SGCZ: variants seen among roughly 807,000 people sequenced by gnomAD.
SGCZ encodes sarcoglycan zeta, also known as zeta-sarcoglycan.
A neutral mutation model predicts 41.3 loss-of-function variants in SGCZ; 40 were observed. The observed-to-expected ratio is 0.97, with a 90% CI of 0.75 to 1.26. The LOEUF is 1.26. Among genes scored for constraint, SGCZ ranks in the 50% most tolerant of loss-of-function variants. The pLI is 0.00. For missense variants in SGCZ, 552 were observed against 369.8 expected, an observed-to-expected ratio of 1.49 and a Z score of -4.04; for synonymous variants, 206 against 137.5, an observed-to-expected ratio of 1.50 and a Z score of -3.49.
At chr8:14,982,145 G>A (rs934503053) in intron 1 of SGCZ, among the ~76,000 whole-genome samples, 1 of 119,044 alleles carries the variant, frequency 8.4e-6, no homozygotes, top group African/African-American at 3.6e-5. Flanking sequence ...ACAACAGAGC[G>A]AGACTCTGTC....
intron 1 of SGCZ, among the ~76,000 whole-genome samples, chr8:14,889,323 C>T (rs1476765947): frequency 6.6e-6 from 1 of 151,958 alleles, no homozygotes; most frequent in Non-Finnish European, 1.5e-5. Context: ...GATAAAAATC[C>T]TGTAAAAAGT....
intron 1 of SGCZ, among the ~76,000 whole-genome samples, chr8:14,929,538 G>C (rs1799866344): frequency 6.6e-6 from 1 of 150,850 alleles, no homozygotes; most frequent in Admixed American, 6.6e-5. Context: ...CCATTGGCCT[G>C]TGGGCCTCAG....
At chr8:15,181,855 A>G (rs1429360132) in intron 1 of SGCZ, among the ~76,000 whole-genome samples, 1 of 152,214 alleles carries the variant, frequency 6.6e-6, no homozygotes, top group Non-Finnish European at 1.5e-5. Flanking sequence ...AAAAAATAAC[A>G]TGAGATTATT....
At chr8:14,260,033 C>T (rs1226375097) in intron 3 of SGCZ, among the ~76,000 whole-genome samples, 1 of 152,038 alleles carries the variant, frequency 6.6e-6, no homozygotes, top group Admixed American at 6.6e-5. Flanking sequence ...CTTCACATCC[C>T]TTGTAAGTTG....
intron 3 of SGCZ, among the ~76,000 whole-genome samples, chr8:14,302,454 T>G (rs1801227636): frequency 6.6e-6 from 1 of 152,178 alleles, no homozygotes; most frequent in South Asian, 2.1e-4. Flanking sequence ...TGTTTCATAC[T>G]TTAATTTTCC....
intron 3 of SGCZ, among the ~76,000 whole-genome samples, chr8:14,264,830 G>A (rs1479560057): frequency 1.3e-5 from 2 of 152,136 alleles, no homozygotes; most frequent in Non-Finnish European, 2.9e-5. Context: ...GGGCGTGGTG[G>A]CGGGCGCCTG....
intron 1 of SGCZ, among the ~76,000 whole-genome samples, chr8:14,613,614 A>G (rs1164424081): frequency 6.6e-6 from 1 of 152,234 alleles, no homozygotes; most frequent in Non-Finnish European, 1.5e-5. Context: ...ATTTCAGAGC[A>G]TGCAGAATTT....
intron 3 of SGCZ, among the ~76,000 whole-genome samples, chr8:14,282,187 T>C (rs552234313): frequency 9.8e-5 from 15 of 152,292 alleles, no homozygotes; most frequent in South Asian, 2.1e-4. Context: ...AATATTGTTT[T>C]CTTCTTTGCC....
At chr8:14,551,783 A>G (rs955667465) in intron 2 of SGCZ, among the ~76,000 whole-genome samples, 1 of 134,000 alleles carries the variant, frequency 7.5e-6, no homozygotes, top group Non-Finnish European at 1.5e-5. Context: ...CTCAATAAGT[A>G]GAATAATTTT....
intron 5 of SGCZ, among the ~76,000 whole-genome samples, chr8:14,121,330 A>G (rs181460254): frequency 1.8e-3 from 276 of 152,210 alleles, no homozygotes; most frequent in Non-Finnish European, 3.0e-3. Context: ...ATTCACTACT[A>G]TTCTCCACTT....
At chr8:14,457,842 A>T (rs1474060353) in intron 2 of SGCZ, among the ~76,000 whole-genome samples, 1 of 152,132 alleles carries the variant, frequency 6.6e-6, no homozygotes, top group Non-Finnish European at 1.5e-5. Context: ...TCCAATAAAT[A>T]ACAGCGCAGC....
At chr8:14,744,857 C>G (rs142995401) in intron 1 of SGCZ, among the ~76,000 whole-genome samples, 1 of 152,062 alleles carries the variant, frequency 6.6e-6, no homozygotes, top group Non-Finnish European at 1.5e-5. Context: ...CAGGGACTAT[C>G]GTCTTCTCTT....
chr8:14,843,863 T>G (rs1432817937), intron 1 of SGCZ, among the ~76,000 whole-genome samples: 1 of 151,928 alleles, frequency 6.6e-6, no homozygotes, highest in Non-Finnish European at 1.5e-5. Flanking sequence ...CAGTCTAGTC[T>G]TAGTTCTGTT....
intron 2 of SGCZ, among the ~76,000 whole-genome samples, chr8:14,525,067 T>A: frequency 6.6e-6 from 1 of 151,922 alleles, no homozygotes; most frequent in Admixed American, 6.6e-5. Flanking sequence ...ATGATGATGA[T>A]GATAGATAGA....
At chr8:15,141,779 G>A (rs1172138182) in intron 1 of SGCZ, among the ~76,000 whole-genome samples, 2 of 152,098 alleles carry the variant, frequency 1.3e-5, no homozygotes, top group African/African-American at 2.4e-5. Flanking sequence ...GTGCGTGCCT[G>A]TAATCCAACT....
intron 1 of SGCZ, among the ~76,000 whole-genome samples, chr8:14,716,291 G>A (rs1481886255): frequency 4.6e-5 from 7 of 151,928 alleles, no homozygotes; most frequent in Non-Finnish European, 8.8e-5. Flanking sequence ...AAAAATAGGA[G>A]CCCATGATTT....
intron 1 of SGCZ, among the ~76,000 whole-genome samples, chr8:14,608,558 C>G (rs1389151197): frequency 6.6e-6 from 1 of 152,108 alleles, no homozygotes; most frequent in Non-Finnish European, 1.5e-5. Context: ...AGTAAGAACT[C>G]ACTCATTACC....
intron 1 of SGCZ, among the ~76,000 whole-genome samples, chr8:14,623,485 A>C (rs963087366): frequency 6.6e-5 from 10 of 152,104 alleles, no homozygotes; most frequent in African/African-American, 2.2e-4. Flanking sequence ...TAATAGGAAA[A>C]ATTAATATAT....
chr8:14,181,371 C>A (rs1804720421), intron 4 of SGCZ, among the ~76,000 whole-genome samples: 1 of 152,198 alleles, frequency 6.6e-6, no homozygotes, highest in Admixed American at 6.5e-5. Context: ...TTTCTAATGA[C>A]AGAACTAAAG....
Sources: gnomAD v4.1 joint callset for allele counts (sites outside exome capture counted in the v4.1 genomes callset) on GRCh38, gnomAD v4.1.1 for gene constraint, MANE v1.5 for transcripts, NCBI Gene and HGNC (gene_info 2026-07-23, HGNC 2026-07-21) for gene names.